FNDC3B: variants seen among roughly 807,000 people sequenced by gnomAD.
FNDC3B encodes the protein fibronectin type III domain-containing protein 3B.
Under a neutral mutation model 151.5 loss-of-function variants are expected in FNDC3B, and 12 were observed. The ratio of observed to expected loss-of-function variants is 0.08; its 90% CI spans 0.05 to 0.13. The LOEUF is 0.13. FNDC3B is among the 10% of genes least tolerant of loss of function. The pLI, the probability that FNDC3B is intolerant of heterozygous loss-of-function variation, is 1.00. For missense variants in FNDC3B, 1,214 were observed against 1,505.3 expected (o/e 0.81, Z 3.20); for synonymous variants, 528 against 549.0 (o/e 0.96, Z 0.54).
At chr3:172,148,200 A>T (rs2108596925) in intron 3 of FNDC3B, among the ~76,000 whole-genome samples, 1 of 152,268 alleles carries the variant, frequency 6.6e-6, no homozygotes, top group South Asian at 2.1e-4. Flanking sequence ...GGTTATTTTA[A>T]AGTCTAATGA....
rs1728071659 is a variant in FNDC3B at position 172,251,451 on chromosome 3, G to A, written c.700G>A (p.Gly234Ser). 1 of 1,614,008 alleles carries A rather than the reference G, an allele frequency of 6.2e-7. No homozygotes were observed. The highest frequency in any genetic ancestry group is 8.5e-7 in the Non-Finnish European group (1 of 1,180,004). ...GYGKGHSGGS[G>S]GGGSGSGPGI... The stretch of plus-strand genomic sequence containing the variant: ...TGGGAAGGGCCATAGTGGTGGAAGT[G>A]GCGGAGGCGGCAGCGGTAGTGGTCC... The change falls in exon 6 of 26, where the codon GGC becomes AGC. Residue 234 changes from glycine (G) to serine (S), a missense_variant. By Grantham distance (56) the Gly-to-Ser change is moderately conservative (BLOSUM62 0). This residue lies in a region of FNDC3B where 166 missense variants were observed against 173.2 expected (regional missense o/e 0.96). Coordinates refer to ENST00000415807, the MANE Select transcript of FNDC3B (RefSeq NM_022763.4).
rs1437052835 is a variant in FNDC3B at position 172,243,375 on chromosome 3, G to A, written c.265-4158G>A. On this transcript the variant is annotated intron_variant, in intron 4 of 25. Transcript: ENST00000415807. Reference sequence around the variant, plus strand: ...TACCTGAGACTGGGCAATTTACAAAGGAAAGAGGTTTAATTGGACTTACAG... The same window carrying A: ...TACCTGAGACTGGGCAATTTACAAAAGAAAGAGGTTTAATTGGACTTACAG... 5.3e-5 allele frequency among the ~76,000 whole-genome samples: 8 copies of A among 152,286 alleles called. No homozygotes were observed. The East Asian group carries it at 1.3e-3, about 26-fold the overall frequency.
chr3:172,169,299 C>T (rs1029107922), intron 3 of FNDC3B, among the ~76,000 whole-genome samples: 2 of 152,180 alleles, frequency 1.3e-5, no homozygotes, highest in African/African-American at 4.8e-5. Context: ...GCCTGAGCGG[C>T]GCTCCGGAAT....
At chr3:172,113,198 CA>C (rs1163390483) in intron 2 of FNDC3B, among the ~76,000 whole-genome samples, 2 of 152,170 alleles carry the variant, frequency 1.3e-5, no homozygotes, top group Non-Finnish European at 1.5e-5. Context: ...TTATCTCTAA[CA>C]TTAATTAAAA....
chr3:172,302,998 A>T (rs1010881977), intron 9 of FNDC3B: 1 of 131,236 alleles, frequency 7.6e-6, no homozygotes, highest in African/African-American at 3.2e-5. Flanking sequence ...AATAAATTGC[A>T]TTATATTTTA....
intron 6 of FNDC3B, among the ~76,000 whole-genome samples, chr3:172,262,894 CAAAAAAAAA>C (rs67891835): frequency 8.2e-5 from 5 of 60,636 alleles, no homozygotes; most frequent in South Asian, 6.2e-4. Flanking sequence ...GAGACCGACT[CAAAAAAAAA>C]AAAAAAAAAA....
At chr3:172,233,651 C>T (rs1165055629) in intron 4 of FNDC3B, among the ~76,000 whole-genome samples, 1 of 152,180 alleles carries the variant, frequency 6.6e-6, no homozygotes, top group Non-Finnish European at 1.5e-5. Flanking sequence ...TTGGTAATTA[C>T]AGCTGGGGAT....
intron 3 of FNDC3B, among the ~76,000 whole-genome samples, chr3:172,211,486 A>T (rs1576801913): frequency 6.6e-6 from 1 of 152,196 alleles, no homozygotes; most frequent in Non-Finnish European, 1.5e-5. Flanking sequence ...TTAGAACCTG[A>T]TTTTGCAAAG....
intron 3 of FNDC3B, among the ~76,000 whole-genome samples, chr3:172,146,437 A>C (rs1721910213): frequency 1.3e-5 from 2 of 152,198 alleles, no homozygotes; most frequent in African/African-American, 4.8e-5. Flanking sequence ...GTTGTAGGGA[A>C]GTGTCACATT....
At chr3:172,151,263 T>G (rs1337215008) in intron 3 of FNDC3B, among the ~76,000 whole-genome samples, 1 of 152,242 alleles carries the variant, frequency 6.6e-6, no homozygotes, top group Non-Finnish European at 1.5e-5. Context: ...TGTTCTGCTT[T>G]GTCTAACCTT....
intron 6 of FNDC3B, among the ~76,000 whole-genome samples, chr3:172,265,616 A>G (rs917443864): frequency 1.3e-5 from 2 of 152,208 alleles, no homozygotes; most frequent in African/African-American, 4.8e-5. Flanking sequence ...ATAGGTGACA[A>G]TTATGTTATT....
intron 3 of FNDC3B, among the ~76,000 whole-genome samples, chr3:172,182,374 T>G (rs1471148512): frequency 6.6e-6 from 1 of 152,136 alleles, no homozygotes; most frequent in Non-Finnish European, 1.5e-5. Context: ...GTGGCCAGCC[T>G]TGTGAATGTG....
chr3:172,140,139 A>G (rs984122523), intron 3 of FNDC3B, among the ~76,000 whole-genome samples: 4 of 152,198 alleles, frequency 2.6e-5, no homozygotes, highest in African/African-American at 9.6e-5. Context: ...AAAGCTGTAT[A>G]TGGTGAGAGT....
chr3:172,307,582 A>C, intron 10 of FNDC3B, 81 bp downstream of exon 10: 1 of 1,444,148 alleles, frequency 6.9e-7, no homozygotes, highest in Non-Finnish European at 9.6e-7. Flanking sequence ...AGTCCCAGCT[A>C]CCTGGGAGGC....
intron 6 of FNDC3B, among the ~76,000 whole-genome samples, chr3:172,284,714 G>A (rs1729917127): frequency 6.7e-6 from 1 of 148,618 alleles, no homozygotes; most frequent in South Asian, 2.2e-4. Flanking sequence ...GCTGGTTCCT[G>A]GAAGACTATC....
intron 3 of FNDC3B, among the ~76,000 whole-genome samples, chr3:172,166,831 T>A (rs1324453399): frequency 5.1e-5 from 1 of 19,526 alleles, no homozygotes; most frequent in Admixed American, 6.5e-4. Context: ...ATTTGGCGGG[T>A]GGGTGGGGGG....
chr3:172,276,134 A>G (rs1228579590), intron 6 of FNDC3B, among the ~76,000 whole-genome samples: 1 of 152,224 alleles, frequency 6.6e-6, no homozygotes, highest in Admixed American at 6.5e-5. Context: ...GGGTAAGAGT[A>G]GCTTTTAACA....
chr3:172,379,027 C>A (rs1016672943), intron 24 of FNDC3B, among the ~76,000 whole-genome samples: 1 of 152,214 alleles, frequency 6.6e-6, no homozygotes, highest in African/African-American at 2.4e-5. Flanking sequence ...CCATATCTCT[C>A]GAAGCTAGTG....
At chr3:172,391,606 GGT>G (rs1736012006) in intron 25 of FNDC3B, among the ~76,000 whole-genome samples, 2 of 152,148 alleles carry the variant, frequency 1.3e-5, no homozygotes, top group African/African-American at 2.4e-5. Context: ...TATTTCAATA[GGT>G]GTCACCTGCA....
Sources: allele counts gnomAD v4.1 joint callset (sites outside exome capture counted in the v4.1 genomes callset), GRCh38; gene constraint gnomAD v4.1.1; regional missense constraint gnomAD v4.1.1; transcripts MANE v1.5; gene names NCBI Gene and HGNC (gene_info 2026-07-23, HGNC 2026-07-21).